EVC2: variants seen among roughly 807,000 people sequenced by gnomAD.
EVC2 encodes the protein EvC ciliary complex subunit 2, also known as limbin.
In EVC2, 148 loss-of-function variants were observed where a neutral mutation model predicts 149.3. The ratio of observed to expected loss-of-function variants is 0.99; its 90% CI spans 0.87 to 1.14. EVC2 has a LOEUF of 1.14. Among genes scored for constraint, EVC2 ranks in the 50% most tolerant of loss-of-function variants. The pLI is 0.00. For synonymous variants in EVC2, 776 were observed against 649.9 expected (o/e 1.19, Z -2.95); for missense variants, 1,854 against 1,627.3 (o/e 1.14, Z -2.40).
intron 1 of EVC2, among the ~76,000 whole-genome samples, chr4:5,706,048 C>G (rs1216064466): frequency 1.3e-5 from 2 of 152,112 alleles, no homozygotes; most frequent in Non-Finnish European, 2.9e-5. Context: ...ATATGCCAAG[C>G]TCCTCCTACA....
At chr4:5,621,158 T>G (rs1715659393) in intron 14 of EVC2, among the ~76,000 whole-genome samples, 1 of 152,080 alleles carries the variant, frequency 6.6e-6, no homozygotes, top group East Asian at 1.9e-4. Context: ...GGTAGCAAGG[T>G]CGGATCCTGG....
At position 5,618,348 on chromosome 4, in the gene EVC2, G is replaced by A; in HGVS notation, c.2706+130C>T. ...CCTGGAATAGCTGGACACCAATGCA[G>A]CCAGAGAGGAGAGGATAGGGGAGCA... On this transcript the variant is annotated intron_variant, in intron 15 of 21. Coordinates refer to ENST00000344408, the MANE Select transcript of EVC2 (RefSeq NM_147127.5). The surrounding 1 kb of genome is among the most constrained non-coding windows in gnomAD (Gnocchi z 4.4). 2 of 1,029,092 alleles carry A rather than the reference G, an allele frequency of 1.9e-6. No homozygotes were observed. Among genetic ancestry groups the A allele is most frequent in the Non-Finnish European group, 3.0e-6 (2 of 672,976 alleles). 63.7% of individuals were successfully genotyped at this position (1,029,092 alleles called of 1,614,324 possible).
chr4:5,659,742 T>C (rs1465325346), intron 9 of EVC2, among the ~76,000 whole-genome samples: 1 of 152,214 alleles, frequency 6.6e-6, no homozygotes, highest in Non-Finnish European at 1.5e-5. Context: ...TATAATTTCA[T>C]ATAATGTAGG....
chr4:5,592,458 G>A (rs1326661164), intron 16 of EVC2, among the ~76,000 whole-genome samples: 1 of 152,174 alleles, frequency 6.6e-6, no homozygotes, highest in African/African-American at 2.4e-5. Context: ...TGTGAGCAGG[G>A]CAGGAGAGAG....
intron 6 of EVC2, among the ~76,000 whole-genome samples, chr4:5,683,653 T>C (rs1051141725): frequency 2.6e-5 from 4 of 151,950 alleles, no homozygotes; most frequent in African/African-American, 9.7e-5. Context: ...CCAAACAAAG[T>C]AACAGGCGGG....
At chr4:5,629,992 G>T (rs1055983859) in intron 11 of EVC2, among the ~76,000 whole-genome samples, 3 of 152,230 alleles carry the variant, frequency 2.0e-5, no homozygotes, top group Non-Finnish European at 2.9e-5. Flanking sequence ...TAACTTGAGT[G>T]CTCTGGCATT....
downstream of EVC2, chr4:5,562,277 G>T (rs537449451): frequency 4.4e-4 from 81 of 185,336 alleles, no homozygotes; most frequent in African/African-American, 1.9e-3. The surrounding 1 kb of genome is among the most constrained non-coding windows in gnomAD (Gnocchi z 4.3). Flanking sequence ...ACCCTGATTT[G>T]AACTGGTGAC....
intron 8 of EVC2, among the ~76,000 whole-genome samples, chr4:5,664,057 G>C (rs1381061894): frequency 6.6e-6 from 1 of 152,186 alleles, no homozygotes; most frequent in Non-Finnish European, 1.5e-5. Context: ...AAAATGCATA[G>C]CTATAGCTAA....
At chr4:5,638,373 AGT>A (rs892003699) in intron 10 of EVC2, among the ~76,000 whole-genome samples, 3 of 151,090 alleles carry the variant, frequency 2.0e-5, no homozygotes, top group African/African-American at 7.3e-5. Flanking sequence ...TGGGTGACAG[AGT>A]GAGACTCTAT....
rs903957250 is a variant in EVC2, at chr4:5,576,504, G to C, written c.3058-50C>G. 1.9e-6 allele frequency: 3 copies of C among 1,542,286 alleles called. No individual in the cohort carries two copies. The highest frequency in any genetic ancestry group is 2.6e-6 in the Non-Finnish European group (3 of 1,148,456). ...AAGCACCACTGCACAAGGCGGGTGG[G>C]GTGGAGGACAAAATCTGACCTCCTG... On this transcript the variant is annotated intron_variant, in intron 17 of 21. Coordinates refer to ENST00000344408, the MANE Select transcript of EVC2 (RefSeq NM_147127.5). The surrounding 1 kb of genome is among the most constrained non-coding windows in gnomAD (Gnocchi z 4.5).
intron 7 of EVC2, among the ~76,000 whole-genome samples, chr4:5,675,659 T>C (rs1719934204): frequency 6.6e-6 from 1 of 152,174 alleles, no homozygotes; most frequent in Admixed American, 6.5e-5. Context: ...AAATTAGTAT[T>C]GGAGCCTGGG....
chr4:5,599,274 A>G (rs1371224097), intron 16 of EVC2, among the ~76,000 whole-genome samples: 1 of 151,436 alleles, frequency 6.6e-6, no homozygotes, highest in Non-Finnish European at 1.5e-5. Flanking sequence ...ATGCACACGT[A>G]TGTTGATTGT....
intron 9 of EVC2, among the ~76,000 whole-genome samples, chr4:5,655,687 G>A (rs1023918283): frequency 6.8e-6 from 1 of 147,492 alleles, no homozygotes; most frequent in Admixed American, 6.9e-5. Flanking sequence ...GGCAGAGCAC[G>A]CACACACAGC....
intron 16 of EVC2, 34 bp downstream of exon 16, chr4:5,615,388 G>C: frequency 6.2e-7 from 1 of 1,613,992 alleles, no homozygotes; most frequent in Non-Finnish European, 8.5e-7. Flanking sequence ...GCCATGTGCA[G>C]AGAGAAACAG....
intron 10 of EVC2, among the ~76,000 whole-genome samples, chr4:5,638,648 T>C (rs1717073050): frequency 6.6e-6 from 1 of 152,110 alleles, no homozygotes; most frequent in South Asian, 2.1e-4. Context: ...CCTCAGGACC[T>C]TATTTAGAAT....
rs113869406 is a variant in EVC2, at chr4:5,628,715, A to G, written c.1730T>C (p.Met577Thr). The change falls in exon 12 of 22, where the codon ATG becomes ACG. Residue 577 changes from methionine to threonine, a missense_variant. Coordinates refer to ENST00000344408, the MANE Select transcript of EVC2 (RefSeq NM_147127.5). ...SKIQENVEELMDFFQASKRYH... is the reference protein window; with the variant it reads ...SKIQENVEELTDFFQASKRYH... Reference sequence around the variant, plus strand: ...CCTCTTACTAGCCTGGAAAAAGTCCATTAACTCTTCTACATTCTCCTGTCA... The same window carrying G: ...CCTCTTACTAGCCTGGAAAAAGTCCGTTAACTCTTCTACATTCTCCTGTCA... The G allele has an allele frequency of 1.7e-3, 2,733 of 1,612,242 alleles. 25 individuals are homozygous for G. In the Middle Eastern group the frequency reaches 0.023, roughly 13 times the overall value.
intron 21 of EVC2, among the ~76,000 whole-genome samples, chr4:5,547,424 G>T (rs1290512000): frequency 1.3e-5 from 2 of 152,246 alleles, no homozygotes; most frequent in African/African-American, 4.8e-5. Flanking sequence ...CCACCTTCAG[G>T]CCCTCCTTCA....
chr4:5,706,369 C>CATAGATAG (rs1324726079), intron 1 of EVC2, among the ~76,000 whole-genome samples: 5 of 7,556 alleles, frequency 6.6e-4, no homozygotes, highest in South Asian at 4.2e-3. Context: ...TAGATAGATA[C>CATAGATAG]ATAGATAGAT....
At chr4:5,571,403 A>G (rs1021706310) in intron 19 of EVC2, among the ~76,000 whole-genome samples, 3 of 152,052 alleles carry the variant, frequency 2.0e-5, no homozygotes, top group South Asian at 4.1e-4. Context: ...GAAATCACCA[A>G]TGAAGAACTT....
Sources: allele counts gnomAD v4.1 joint callset (sites outside exome capture counted in the v4.1 genomes callset), GRCh38; gene constraint gnomAD v4.1.1; non-coding constraint Gnocchi (gnomAD v3.1); transcripts MANE v1.5; gene names NCBI Gene and HGNC (gene_info 2026-07-23, HGNC 2026-07-21).